ZFHX3: variants seen among roughly 807,000 people sequenced by gnomAD.
ZFHX3 encodes zinc finger homeobox protein 3.
In ZFHX3, 42 loss-of-function variants were observed where a neutral mutation model predicts 279.1. That is an observed-to-expected ratio of 0.15 (90% CI 0.12 to 0.19). The LOEUF is 0.19. ZFHX3 is among the 10% of genes least tolerant of loss of function. ZFHX3 has a pLI of 1.00. For missense variants in ZFHX3, 4,981 were observed against 4,754.0 expected (o/e 1.05, Z -1.40); for synonymous variants, 2,293 against 1,957.8 (o/e 1.17, Z -4.52).
chr16:72,996,541 A>G (rs1412945906), intron 1 of ZFHX3, among the ~76,000 whole-genome samples: 1 of 152,200 alleles, frequency 6.6e-6, no homozygotes, highest in Admixed American at 6.5e-5. Flanking sequence ...AATGCTAACA[A>G]CTATCCATCA....
At position 73,224,951 on chromosome 16, in the gene ZFHX3, A is replaced by G. The variant is rs144779321; in HGVS notation, c.-1104+32096T>C. On this transcript the variant is annotated intron_variant, in intron 5 of 17. Transcript: ENST00000641206. ...TTTCCTAAACTTCAATCACCTGCCT[A>G]TCACCTTCATGATTTTGCCCTATTT... Among the ~76,000 whole-genome samples, 21 of 152,204 alleles carry G rather than the reference A, an allele frequency of 1.4e-4. No homozygotes were observed. In the East Asian group the frequency reaches 3.7e-3, roughly 27 times the overall value.
intron 4 of ZFHX3, among the ~76,000 whole-genome samples, chr16:72,865,191 AC>A (rs1408633297): frequency 6.6e-6 from 1 of 152,232 alleles, no homozygotes. Flanking sequence ...AGTCTCACCA[AC>A]AAGTATTTAT....
At chr16:73,096,840 A>T (rs1966170655) in intron 7 of ZFHX3, among the ~76,000 whole-genome samples, 1 of 151,974 alleles carries the variant, frequency 6.6e-6, no homozygotes, top group Non-Finnish European at 1.5e-5. Flanking sequence ...TTAGAACCTC[A>T]TTTCATGTCA....
At chr16:73,066,538 C>G (rs768387585) in intron 8 of ZFHX3, among the ~76,000 whole-genome samples, 18 of 151,966 alleles carry the variant, frequency 1.2e-4, no homozygotes, top group Non-Finnish European at 2.1e-4. Context: ...GCACTGGGAC[C>G]CAGGCGCCCC....
intron 2 of ZFHX3, among the ~76,000 whole-genome samples, chr16:73,530,922 G>A (rs529866562): frequency 6.6e-6 from 1 of 152,166 alleles, no homozygotes; most frequent in Non-Finnish European, 1.5e-5. Flanking sequence ...ACATCCAGTT[G>A]CCAGCTGGGA....
chr16:73,739,378 G>T (rs1375543702), intron 1 of ZFHX3, among the ~76,000 whole-genome samples: 1 of 152,144 alleles, frequency 6.6e-6, no homozygotes, highest in African/African-American at 2.4e-5. Flanking sequence ...GGACTGTCCT[G>T]TGCATTACGA....
chr16:72,915,382 C>T (rs1405886007), intron 3 of ZFHX3, among the ~76,000 whole-genome samples: 3 of 152,198 alleles, frequency 2.0e-5, no homozygotes, highest in African/African-American at 7.2e-5. Flanking sequence ...AGAAGGCTCT[C>T]GACACCCAGT....
chr16:73,007,122 T>C (rs1277254129), intron 1 of ZFHX3, among the ~76,000 whole-genome samples: 1 of 152,256 alleles, frequency 6.6e-6, no homozygotes, highest in Non-Finnish European at 1.5e-5. Context: ...GACATTCTGA[T>C]ATTAAGCCCC....
At chr16:73,716,647 ACAC>A (rs751701281) in intron 1 of ZFHX3, among the ~76,000 whole-genome samples, 12,475 of 45,010 alleles carry the variant, frequency 0.28, 677 homozygotes, top group East Asian at 0.41. Flanking sequence ...ACACACACAC[ACAC>A]GCATGCACGC....
chr16:73,483,284 G>T (rs1034989495), intron 2 of ZFHX3: 3 of 430,424 alleles, frequency 7.0e-6, no homozygotes, highest in African/African-American at 6.3e-5. Context: ...GCATAGACAC[G>T]TGCACGGAGC....
At chr16:73,313,430 C>G (rs992886386) in intron 4 of ZFHX3, among the ~76,000 whole-genome samples, 1 of 152,126 alleles carries the variant, frequency 6.6e-6, no homozygotes, top group African/African-American at 2.4e-5. Flanking sequence ...GTATGTACTA[C>G]GTGTCAAAAA....
At chr16:73,156,193 C>A (rs1419924214) in intron 5 of ZFHX3, among the ~76,000 whole-genome samples, 2 of 137,304 alleles carry the variant, frequency 1.5e-5, no homozygotes, top group East Asian at 4.4e-4. Flanking sequence ...GGGCGCACCA[C>A]TGCACTCCAG....
intron 1 of ZFHX3, among the ~76,000 whole-genome samples, chr16:73,887,330 A>G (rs141287829): frequency 0.013 from 1,977 of 152,284 alleles, 45 homozygotes; most frequent in African/African-American, 0.045. Context: ...TAGTATGGTG[A>G]CCATTCTAAA....
chr16:73,188,807 TTC>T (rs1307856866), intron 5 of ZFHX3, among the ~76,000 whole-genome samples: 31 of 152,128 alleles, frequency 2.0e-4, no homozygotes, highest in Admixed American at 3.9e-4. Context: ...AACACTTAGG[TTC>T]TCACTTTTTC....
At chr16:73,252,881 G>T (rs982524420) in intron 5 of ZFHX3, among the ~76,000 whole-genome samples, 2 of 152,214 alleles carry the variant, frequency 1.3e-5, no homozygotes, top group East Asian at 3.8e-4. Flanking sequence ...TGCAACCAAA[G>T]TATGCTGGCG....
intron 7 of ZFHX3, among the ~76,000 whole-genome samples, chr16:73,130,720 G>A (rs111672089): frequency 5.8e-4 from 88 of 152,316 alleles, no homozygotes; most frequent in African/African-American, 2.0e-3. Flanking sequence ...GGATTCTCCT[G>A]CCTCAACCTC....
intron 2 of ZFHX3, among the ~76,000 whole-genome samples, chr16:72,952,146 G>A (rs993468189): frequency 6.6e-6 from 1 of 152,250 alleles, no homozygotes; most frequent in South Asian, 2.1e-4. Context: ...GGACTGAGAT[G>A]GAAGGATGGC....
chr16:73,211,263 A>G (rs2012007114), intron 5 of ZFHX3, among the ~76,000 whole-genome samples: 1 of 152,198 alleles, frequency 6.6e-6, no homozygotes, highest in African/African-American at 2.4e-5. Flanking sequence ...GAATATCATG[A>G]AAGCAAGCTT....
chr16:73,537,835 C>G (rs368090512), intron 2 of ZFHX3, among the ~76,000 whole-genome samples: 24 of 152,268 alleles, frequency 1.6e-4, no homozygotes, highest in African/African-American at 5.5e-4. Flanking sequence ...AAAAGCTGAC[C>G]ATTTAGGGTC....
Sources: allele counts gnomAD v4.1 joint callset (sites outside exome capture counted in the v4.1 genomes callset), GRCh38; gene constraint gnomAD v4.1.1; transcripts MANE v1.5; gene names NCBI Gene and HGNC (gene_info 2026-07-23, HGNC 2026-07-21).